CTNNA3: variants seen among roughly 807,000 people sequenced by gnomAD.
CTNNA3 encodes catenin alpha-3.
CTNNA3 carries 76 observed loss-of-function variants against 95.7 expected under a neutral mutation model. The observed-to-expected ratio is 0.79, with a 90% CI of 0.66 to 0.96. CTNNA3 has a LOEUF of 0.96. Among genes scored for constraint, CTNNA3 ranks in the 40% least tolerant of loss-of-function variants. The pLI is 0.00. For missense variants in CTNNA3, 1,191 were observed against 1,089.8 expected (o/e 1.09, Z -1.31); for synonymous variants, 431 against 374.4 (o/e 1.15, Z -1.74).
intron 1 of CTNNA3, among the ~76,000 whole-genome samples, chr10:67,733,852 T>C (rs1018302200): frequency 6.6e-6 from 1 of 152,160 alleles, no homozygotes; most frequent in Non-Finnish European, 1.5e-5. Context: ...GGCTGTGGCT[T>C]TAAGAGATTA....
Position 65,915,923 on chromosome 10 carries a change from T to C in CTNNA3, c.*4407A>G, listed in dbSNP as rs1166284084. On this transcript the variant is annotated 3_prime_UTR_variant, in exon 18 of 18. Coordinates refer to ENST00000433211, the MANE Select transcript of CTNNA3 (RefSeq NM_013266.4). ...CTCTTTCTCTTTGAGATGACTAAGA[T>C]AGCGTTAGTAGCCTCATTCAAAACA... 2 of 152,220 alleles carry C rather than the reference T, an allele frequency of 1.3e-5. No individual in the cohort carries two copies. Among genetic ancestry groups the C allele is most frequent in the South Asian group, 2.1e-4 (1 of 4,834 alleles). 9.4% of individuals were successfully genotyped at this position (152,220 alleles called of 1,614,324 possible).
chr10:66,978,552 A>AT (rs1197845049), intron 7 of CTNNA3, among the ~76,000 whole-genome samples: 1,391 of 37,352 alleles, frequency 0.037, 9 homozygotes, highest in East Asian at 0.059. Context: ...AAAAAAAAAA[A>AT]ATATATATAT....
At chr10:67,349,096 A>G (rs886067757) in intron 5 of CTNNA3, among the ~76,000 whole-genome samples, 1 of 152,184 alleles carries the variant, frequency 6.6e-6, no homozygotes, top group Non-Finnish European at 1.5e-5. Flanking sequence ...ACCTTTGCAC[A>G]CTGTCAGTGG....
intron 15 of CTNNA3, among the ~76,000 whole-genome samples, chr10:66,019,914 C>T (rs1232271265): frequency 6.6e-6 from 1 of 152,096 alleles, no homozygotes; most frequent in African/African-American, 2.4e-5. Context: ...TTATAATTAA[C>T]ACAATATTAC....
intron 16 of CTNNA3, among the ~76,000 whole-genome samples, chr10:65,976,971 A>T (rs897279733): frequency 3.3e-5 from 5 of 152,168 alleles, no homozygotes; most frequent in Middle Eastern, 3.2e-3. Context: ...GTCCTTAAAT[A>T]TGTACAATTT....
chr10:65,957,777 C>T (rs1564539765), intron 17 of CTNNA3, among the ~76,000 whole-genome samples: 1 of 152,168 alleles, frequency 6.6e-6, no homozygotes, highest in Non-Finnish European at 1.5e-5. Flanking sequence ...ATGGGCTTCC[C>T]TCTGTGGGTA....
intron 7 of CTNNA3, among the ~76,000 whole-genome samples, chr10:66,995,222 C>T (rs1851263837): frequency 6.6e-6 from 1 of 152,154 alleles, no homozygotes; most frequent in South Asian, 2.1e-4. Context: ...TGAATAGAAC[C>T]ACCATCCACC....
chr10:67,260,166 G>A (rs1866539316), intron 5 of CTNNA3, among the ~76,000 whole-genome samples: 1 of 152,204 alleles, frequency 6.6e-6, no homozygotes, highest in Non-Finnish European at 1.5e-5. Context: ...TCTGGAGGGA[G>A]TGGGACCACA....
intron 10 of CTNNA3, among the ~76,000 whole-genome samples, chr10:66,527,844 T>C (rs1841323185): frequency 6.6e-6 from 1 of 152,156 alleles, no homozygotes; most frequent in African/African-American, 2.4e-5. Flanking sequence ...ATCTTCAGGA[T>C]TTTCTAAATA....
At chr10:66,634,330 C>T (rs78397562) in intron 9 of CTNNA3, among the ~76,000 whole-genome samples, 3,516 of 152,018 alleles carry the variant, frequency 0.023, 144 homozygotes, top group African/African-American at 0.081. Flanking sequence ...GAAAAAAATG[C>T]TGCTAAGCAG....
intron 10 of CTNNA3, among the ~76,000 whole-genome samples, chr10:66,614,067 T>C (rs1024244789): frequency 3.3e-5 from 5 of 152,090 alleles, no homozygotes; most frequent in Admixed American, 1.3e-4. Flanking sequence ...AGTCTAATGC[T>C]CTTACTGAAG....
At chr10:66,273,086 C>A (rs945289369) in intron 13 of CTNNA3, among the ~76,000 whole-genome samples, 2 of 152,158 alleles carry the variant, frequency 1.3e-5, no homozygotes, top group Non-Finnish European at 2.9e-5. Flanking sequence ...TCTTAGTAAC[C>A]TTGGCATATG....
At chr10:66,872,632 G>A (rs1486556090) in intron 7 of CTNNA3, among the ~76,000 whole-genome samples, 1 of 152,044 alleles carries the variant, frequency 6.6e-6, no homozygotes, top group Non-Finnish European at 1.5e-5. Context: ...TTGTGCCACT[G>A]CACTCTAGCC....
At chr10:67,482,137 T>C (rs1242339344) in intron 5 of CTNNA3, among the ~76,000 whole-genome samples, 1 of 150,998 alleles carries the variant, frequency 6.6e-6, no homozygotes, top group Non-Finnish European at 1.5e-5. Flanking sequence ...TACCATGCTG[T>C]TTTGGTTACT....
At chr10:66,823,475 T>C (rs2132297965) in intron 7 of CTNNA3, among the ~76,000 whole-genome samples, 1 of 152,138 alleles carries the variant, frequency 6.6e-6, no homozygotes, top group Non-Finnish European at 1.5e-5. Flanking sequence ...GAATGTAGAG[T>C]TGTGATGGGC....
At chr10:66,079,451 T>C (rs2080659986) in intron 14 of CTNNA3, 2 of 151,998 alleles carry the variant, frequency 1.3e-5, no homozygotes, top group Admixed American at 1.3e-4. Context: ...AAGAATTATA[T>C]ACCTCCTAGT....
chr10:65,965,607 G>T (rs1300308810), intron 17 of CTNNA3, among the ~76,000 whole-genome samples: 2 of 151,844 alleles, frequency 1.3e-5, no homozygotes, highest in Non-Finnish European at 2.9e-5. Flanking sequence ...GTTTCACCAT[G>T]TTGGCCAGGT....
chr10:66,675,929 T>C (rs370941108), intron 9 of CTNNA3, among the ~76,000 whole-genome samples: 27 of 152,128 alleles, frequency 1.8e-4, no homozygotes, highest in South Asian at 8.3e-4. Context: ...AACACAGAAG[T>C]TGCAACCTGA....
intron 11 of CTNNA3, among the ~76,000 whole-genome samples, chr10:66,508,210 G>GTTTTTTTTTTTTTTTTTTTTTTT (rs756807793): frequency 5.0e-4 from 54 of 108,382 alleles, no homozygotes; most frequent in African/African-American, 1.2e-3. Flanking sequence ...TTTGTTTTCT[G>GTTTTTTTTTTTTTTTTTTTTTTT]TTTTTTTTTT....
Sources: allele counts gnomAD v4.1 joint callset (sites outside exome capture counted in the v4.1 genomes callset), GRCh38; gene constraint gnomAD v4.1.1; transcripts MANE v1.5; gene names NCBI Gene and HGNC (gene_info 2026-07-23, HGNC 2026-07-21).